ADGRA2: variants seen among roughly 807,000 people sequenced by gnomAD.
ADGRA2 encodes the protein G-protein coupled receptor 124.
In ADGRA2, 61 loss-of-function variants were observed where a neutral mutation model predicts 98.7. That is an observed-to-expected ratio of 0.62 (90% CI 0.50 to 0.76). ADGRA2 has a LOEUF of 0.76. ADGRA2 is among the 30% of genes least tolerant of loss of function. The pLI is 0.00. For synonymous variants in ADGRA2, 858 were observed against 831.5 expected, an observed-to-expected ratio of 1.03 and a Z score of -0.55; for missense variants, 1,712 against 1,860.0, an observed-to-expected ratio of 0.92 and a Z score of 1.46.
chr8:37,831,059 A>T, intron 7 of ADGRA2, 136 bp downstream of exon 7: 1 of 643,552 alleles, frequency 1.6e-6, no homozygotes, highest in Non-Finnish European at 2.7e-6. Context: ...GAAAGACTGG[A>T]CTAAGTTATC....
rs1233548466 is a variant in ADGRA2, at chr8:37,835,381, T to C, written c.1816T>C (p.Ser606Pro). The change falls in exon 12 of 19, where the codon TCG becomes CCG. Residue 606 changes from serine to proline, a missense_variant. Ser to Pro is a moderately conservative substitution (Grantham distance 74). Transcript: ENST00000412232. ...CACCGGGAGGCCCAATGTTTCTCTG[T>C]CGTCCTTCCACATCAAGGTGGGCGC... ...CTTGRPNVSL[S>P]SFHIKNSVAL... 4 of 1,610,522 alleles carry C rather than the reference T, an allele frequency of 2.5e-6. No homozygotes were observed. Among genetic ancestry groups the C allele is most frequent in the Non-Finnish European group, 3.4e-6 (4 of 1,179,562 alleles).
chr8:37,832,541 G>C (rs1431607466), intron 8 of ADGRA2, among the ~76,000 whole-genome samples: 1 of 152,116 alleles, frequency 6.6e-6, no homozygotes, highest in African/African-American at 2.4e-5. Flanking sequence ...TCACTTTGTT[G>C]CCCAGGCTGG....
rs144121516 is a variant in ADGRA2 at position 37,835,343 on chromosome 8, G to A, written c.1778G>A (p.Arg593His). 7.7e-5 allele frequency: 125 copies of A among 1,612,908 alleles called. No individual in the cohort carries two copies. The highest frequency in any genetic ancestry group is 9.7e-5 in the Non-Finnish European group (115 of 1,179,946). Residue 593 changes from arginine to histidine, a missense_variant, in exon 12 of 19, where the codon CGC becomes CAC. Transcript: ENST00000412232. ...EPEPPADQQL[R>H]FRCTTGRPNV... ...GAGCCCCCAGCTGACCAGCAGCTCC[G>A]CTTCCGCTGCACCACCGGGAGGCCC...
Position 37,797,180 on chromosome 8 carries a change from C to T in ADGRA2, c.-89C>T. The T allele has an allele frequency of 2.8e-6, 3 of 1,066,138 alleles. No homozygotes were observed. The highest frequency in any genetic ancestry group is 3.5e-6 in the Non-Finnish European group (3 of 851,408). 66.0% of individuals were successfully genotyped at this position (1,066,138 alleles called of 1,614,324 possible). On this transcript the variant is annotated 5_prime_UTR_variant, in exon 1 of 19. Coordinates refer to ENST00000412232, the MANE Select transcript of ADGRA2 (RefSeq NM_032777.10). The surrounding 1 kb of genome is among the most constrained non-coding windows in gnomAD (Gnocchi z 5.3). ...CACGCCCTCGGGAGCCCCGGGCCCC[C>T]GCTGAGCACTCCTCCCGCACGCCTG...
In ADGRA2 at chr8:37,841,775, T is replaced by C. The variant is rs111828443; in HGVS notation, c.3437T>C (p.Val1146Ala). The change falls in exon 19 of 19, where the codon GTG (valine) becomes GCG (alanine). Residue 1146 changes from valine (V) to alanine (A), a missense_variant. Physicochemically the swap from Val to Ala is moderately conservative, Grantham distance 64 (BLOSUM62 0). Coordinates refer to ENST00000412232, the MANE Select transcript of ADGRA2 (RefSeq NM_032777.10). This position sits in a 1 kb window ranked among gnomAD's most constrained non-coding sequence, Gnocchi z 5.0. The stretch of plus-strand genomic sequence containing the variant: ...AACCTGCAGCTGGCCCAGAGTCAGG[T>C]GTGCGAGGCGGGGGCGGCGGCCGGC... Reference protein sequence around the residue: ...LTNLQLAQSQVCEAGAAAGGE... With the variant: ...LTNLQLAQSQACEAGAAAGGE... The C allele has an allele frequency of 8.5e-3, 13,139 of 1,536,820 alleles. 82 individuals are homozygous for C. The highest frequency in any genetic ancestry group is 0.011 in the Non-Finnish European group (12,195 of 1,144,420).
chr8:37,825,401 A>G (rs1585391628), intron 2 of ADGRA2, among the ~76,000 whole-genome samples: 1 of 147,228 alleles, frequency 6.8e-6, no homozygotes, highest in African/African-American at 2.5e-5. Context: ...CCACCCCCAC[A>G]TTGGCTAAAT....
chr8:37,841,649 A>T lies in ADGRA2; in HGVS notation c.3311A>T (p.Glu1104Val). The stretch of plus-strand genomic sequence containing the variant: ...CCCCGGGCCCTGCCCGCCGCCGCAG[A>T]GGACGGTTCCCCGGTGTTCGGGGAG... ...APPRALPAAAEDGSPVFGEGP... is the reference protein window; with the variant it reads ...APPRALPAAAVDGSPVFGEGP... The change falls in exon 19 of 19, where the codon GAG becomes GTG. Residue 1104 changes from glutamate to valine, a missense_variant. Coordinates refer to ENST00000412232, the MANE Select transcript of ADGRA2 (RefSeq NM_032777.10). This position sits in a 1 kb window ranked among gnomAD's most constrained non-coding sequence, Gnocchi z 5.0. 1 of 1,525,786 alleles carries T rather than the reference A, an allele frequency of 6.6e-7. No individual in the cohort carries two copies. Among genetic ancestry groups the T allele is most frequent in the Non-Finnish European group, 8.8e-7 (1 of 1,136,908 alleles). The allele number at this position is 1,525,786 out of a possible 1,614,324, so 94.5% of individuals were successfully genotyped here.
In ADGRA2 at chr8:37,844,800, G is replaced by C. The variant is rs1190525418; in HGVS notation, c.*2445G>C. 1.9e-6 allele frequency: 3 copies of C among 1,614,136 alleles called. No individual in the cohort carries two copies. Among genetic ancestry groups the C allele is most frequent in the Non-Finnish European group, 2.5e-6 (3 of 1,180,024 alleles). Reference sequence around the variant, plus strand: ...CTCCTTCTCTCGGGTCTCCACTTCTGCTGTCCCATCCCGAAAGGCAGAGCG... The same window carrying C: ...CTCCTTCTCTCGGGTCTCCACTTCTCCTGTCCCATCCCGAAAGGCAGAGCG... On this transcript the variant is annotated 3_prime_UTR_variant, in exon 19 of 19. Transcript: ENST00000412232.
At chr8:37,829,421 C>T in intron 4 of ADGRA2, 67 bp from the exon 5 acceptor site, 1 of 1,531,384 alleles carries the variant, frequency 6.5e-7, no homozygotes, top group Non-Finnish European at 9.1e-7. Flanking sequence ...CCACATCCCA[C>T]CTGCTCTCCT....
At position 37,829,562 on chromosome 8, in the gene ADGRA2, G is replaced by A; in HGVS notation, c.554+3G>A. 6.2e-7 allele frequency: 1 copy of A among 1,602,978 alleles called. No individual in the cohort carries two copies. The highest frequency in any genetic ancestry group is 1.1e-5 in the South Asian group (1 of 90,888). Reference sequence around the variant, plus strand: ...GAGCTGCCAGCCCTTAAGGTTGTGTGAGTATCTCTTCCTAGCTCAAGGACC... The same window carrying A: ...GAGCTGCCAGCCCTTAAGGTTGTGTAAGTATCTCTTCCTAGCTCAAGGACC... On this transcript the variant is annotated splice_donor_region_variant and intron_variant, in intron 5 of 18. Coordinates refer to ENST00000412232, the MANE Select transcript of ADGRA2 (RefSeq NM_032777.10).
intron 1 of ADGRA2, among the ~76,000 whole-genome samples, chr8:37,812,641 A>G (rs1265094746): frequency 6.6e-6 from 1 of 151,548 alleles, no homozygotes; most frequent in Non-Finnish European, 1.5e-5. Flanking sequence ...AAATAAAAAT[A>G]AAAATATTGA....
chr8:37,806,513 C>CTTTTTCTTTTTTTTTT (rs1563337972), intron 1 of ADGRA2, among the ~76,000 whole-genome samples: 3 of 103,174 alleles, frequency 2.9e-5, no homozygotes, highest in African/African-American at 1.5e-4. Context: ...TTTTCTTTTT[C>CTTTTTCTTTTTTTTTT]TTTTTTCTTT....
chr8:37,803,490 G>A (rs1240134614), intron 1 of ADGRA2, among the ~76,000 whole-genome samples: 1 of 152,180 alleles, frequency 6.6e-6, no homozygotes, highest in African/African-American at 2.4e-5. Flanking sequence ...CAGAGGGGCT[G>A]TTTATTTTCA....
At position 37,841,953 on chromosome 8, in the gene ADGRA2, C is replaced by CG; in HGVS notation, c.3620dup (p.Ala1208ArgfsTer58). 1.3e-6 allele frequency: 2 copies of CG among 1,504,298 alleles called. No homozygotes were observed. The highest frequency in any genetic ancestry group is 2.6e-5 in the East Asian group (1 of 38,218). 93.2% of individuals were successfully genotyped at this position (1,504,298 alleles called of 1,614,324 possible). The stretch of plus-strand genomic sequence containing the variant: ...GCAAGAACCGGCTCAAGGCCCTGCG[C>CG]GGGGGCGCGGCGGGGGCGCTGGAGC... On this transcript the variant is annotated frameshift_variant, in exon 19 of 19. Coordinates refer to ENST00000412232, the MANE Select transcript of ADGRA2 (RefSeq NM_032777.10). LOFTEE classifies it low-confidence loss of function (END_TRUNC). The surrounding 1 kb of genome is among the most constrained non-coding windows in gnomAD (Gnocchi z 5.0).
intron 2 of ADGRA2, among the ~76,000 whole-genome samples, chr8:37,827,091 C>T (rs1233133714): frequency 6.6e-6 from 1 of 152,226 alleles, no homozygotes. Flanking sequence ...AGCCAAGAGG[C>T]CACTGCCTCC....
intron 1 of ADGRA2, among the ~76,000 whole-genome samples, chr8:37,799,003 G>C (rs1374847329): frequency 6.6e-6 from 1 of 152,222 alleles, no homozygotes; most frequent in Non-Finnish European, 1.5e-5. Context: ...GCATTCCCCA[G>C]CTCACTTAGT....
In ADGRA2 at chr8:37,839,027, G is replaced by T. The variant is rs372290149; in HGVS notation, c.2331G>T (p.Thr777=). 3.1e-6 allele frequency: 5 copies of T among 1,606,796 alleles called. No individual in the cohort carries two copies. Among genetic ancestry groups the T allele is most frequent in the Non-Finnish European group, 4.3e-6 (5 of 1,176,254 alleles). Residue 777 remains threonine, a synonymous_variant, in exon 15 of 19, where the codon ACG becomes ACT. Coordinates refer to ENST00000412232, the MANE Select transcript of ADGRA2 (RefSeq NM_032777.10). ...TGCACCCCGTGGTATACCCCTGCAC[G>T]GCCTTGCTGCTGCTCTGCCTCTTCG... ...AGLHPVVYPC[T]ALLLLCLFAT...
At chr8:37,800,728 A>G (rs1216394190) in intron 1 of ADGRA2, among the ~76,000 whole-genome samples, 1 of 152,184 alleles carries the variant, frequency 6.6e-6, no homozygotes, top group Non-Finnish European at 1.5e-5. Context: ...TCTTTTGCCC[A>G]GCAGCAAAGC....
At chr8:37,831,162 C>T (rs1212767508) in intron 7 of ADGRA2, among the ~76,000 whole-genome samples, 5 of 152,172 alleles carry the variant, frequency 3.3e-5, no homozygotes, top group Non-Finnish European at 7.3e-5. Flanking sequence ...TATAGAGTGG[C>T]TCCTATCTAT....
Sources: allele counts gnomAD v4.1 joint callset (sites outside exome capture counted in the v4.1 genomes callset), GRCh38; gene constraint gnomAD v4.1.1; non-coding constraint Gnocchi (gnomAD v3.1); transcripts MANE v1.5; gene names NCBI Gene and HGNC (gene_info 2026-07-23, HGNC 2026-07-21).